The following TRAF5 variants were observed in gnomAD, a reference collection of about 807,000 sequenced individuals.
TRAF5 encodes the protein TNF receptor associated factor 5.
Under a neutral mutation model 64.5 loss-of-function variants are expected in TRAF5, and 48 were observed. The ratio of observed to expected loss-of-function variants is 0.74; its 90% CI spans 0.59 to 0.95. The LOEUF (loss-of-function observed/expected upper bound fraction) is 0.95, where lower values mean the gene tolerates loss of function less well. TRAF5 is among the 40% of genes least tolerant of loss of function. The pLI is 0.00. For missense variants in TRAF5, 545 were observed against 662.8 expected, an observed-to-expected ratio of 0.82 and a Z score of 1.95; for synonymous variants, 206 against 240.5, an observed-to-expected ratio of 0.86 and a Z score of 1.33.
At chr1:211,346,399 G>A in intron 1 of TRAF5, 1 of 985,456 alleles carries the variant, frequency 1.0e-6, no homozygotes, top group Middle Eastern at 5.2e-4. Flanking sequence ...GCTGTGGGGT[G>A]TCCTGCTCAC....
chr1:211,359,274 G>T (rs1703095188), intron 4 of TRAF5: 1 of 152,134 alleles, frequency 6.6e-6, no homozygotes, highest in African/African-American at 2.4e-5. Flanking sequence ...ATTATTAATG[G>T]TTAAAAATAT....
chr1:211,333,393 T>A (rs2102710721), intron 1 of TRAF5, among the ~76,000 whole-genome samples: 1 of 152,242 alleles, frequency 6.6e-6, no homozygotes, highest in East Asian at 1.9e-4. Flanking sequence ...TTCACCATGC[T>A]GGCCAGGCTG....
intron 8 of TRAF5, chr1:211,368,934 CATT>C (rs1703437829): frequency 6.6e-6 from 1 of 152,156 alleles, no homozygotes; most frequent in Admixed American, 6.6e-5. Context: ...AAGTTTTTGT[CATT>C]ATTACTTTTG....
rs774939724 is a variant in TRAF5, at chr1:211,365,453, C to T, written c.774C>T (p.Val258=). The part of the protein sequence containing the change: ...EHMRLVLEKN[V]QLEEQISDLH... ...TGCGTTTGGTTTTAGAAAAGAATGT[C>T]CAATTAGAAGAACAGGTAAATCTTC... Residue 258 remains valine, a synonymous_variant, in exon 8 of 11, where the codon GTC becomes GTT. Coordinates refer to ENST00000261464, the MANE Select transcript of TRAF5 (RefSeq NM_001033910.3). The T allele has an allele frequency of 2.5e-6, 4 of 1,612,406 alleles. No homozygotes were observed. The highest frequency in any genetic ancestry group is 3.4e-6 in the Non-Finnish European group (4 of 1,179,148).
At chr1:211,366,406 G>T (rs1187366004) in intron 8 of TRAF5, among the ~76,000 whole-genome samples, 1 of 152,176 alleles carries the variant, frequency 6.6e-6, no homozygotes, top group Non-Finnish European at 1.5e-5. Context: ...CCTACTGTAT[G>T]TCAGGTACAA....
chr1:211,366,086 T>C (rs1208828726), intron 8 of TRAF5, among the ~76,000 whole-genome samples: 3 of 152,226 alleles, frequency 2.0e-5, no homozygotes, highest in South Asian at 2.1e-4. Context: ...TAAATGCTGA[T>C]TCTATTGAGC....
At chr1:211,327,550 C>G (rs1319909051) in intron 1 of TRAF5, among the ~76,000 whole-genome samples, 1 of 152,030 alleles carries the variant, frequency 6.6e-6, no homozygotes. Flanking sequence ...CCAGAGAATT[C>G]GCAGATTCTG....
At chr1:211,338,733 T>A (rs1046439539) in intron 1 of TRAF5, among the ~76,000 whole-genome samples, 2 of 152,174 alleles carry the variant, frequency 1.3e-5, no homozygotes, top group Admixed American at 6.5e-5. Context: ...CAAGCGATTC[T>A]CCTGCCTCAG....
rs751678066 is a variant in TRAF5 at position 211,373,199 on chromosome 1, G to C, written c.*497G>C. On this transcript the variant is annotated 3_prime_UTR_variant, in exon 11 of 11. Coordinates refer to ENST00000261464, the MANE Select transcript of TRAF5 (RefSeq NM_001033910.3). ...TTACAAAGATAATATGCTCAGTTTG[G>C]ACCTTTTTTTCAGTTAAATGCTAAA... 8.5e-4 allele frequency: 129 copies of C among 152,348 alleles called. No homozygotes were observed. Among genetic ancestry groups the C allele is most frequent in the Non-Finnish European group, 1.6e-3 (109 of 68,142 alleles). 9.4% of individuals were successfully genotyped at this position (152,348 alleles called of 1,614,324 possible).
chr1:211,365,191 A>G (rs555828957), intron 7 of TRAF5, among the ~76,000 whole-genome samples, 185 bp from the exon 8 acceptor site: 2 of 152,012 alleles, frequency 1.3e-5, no homozygotes, highest in Non-Finnish European at 2.9e-5. Context: ...AAACAAAAAC[A>G]AACTAAAGCT....
intron 1 of TRAF5, among the ~76,000 whole-genome samples, chr1:211,332,818 G>T (rs1398901758): frequency 6.6e-6 from 1 of 152,200 alleles, no homozygotes; most frequent in Non-Finnish European, 1.5e-5. Flanking sequence ...TGAATGGGAA[G>T]TAGATTATTT....
chr1:211,356,575 T>C, intron 4 of TRAF5, 107 bp downstream of exon 4: 1 of 965,658 alleles, frequency 1.0e-6, no homozygotes, highest in African/African-American at 1.6e-5. Context: ...AGGGATTCAG[T>C]GAATTGCCCT....
rs370825088 is a variant in TRAF5, at chr1:211,353,275, T to C, written c.36T>C (p.Cys12=). 8.1e-6 allele frequency: 13 copies of C among 1,614,254 alleles called. No individual in the cohort carries two copies. In the African/African-American group the frequency reaches 1.3e-4, roughly 17 times the overall value. ...AYSEEHKGMP[C]GFIRQNSGNS... is the part of the protein sequence containing the mutation. ...CAGAAGAGCATAAAGGTATGCCCTGTGGTTTCATCCGCCAGAATTCCGGCA... is the reference window on the plus strand; with the variant it reads ...CAGAAGAGCATAAAGGTATGCCCTGCGGTTTCATCCGCCAGAATTCCGGCA... Residue 12 remains cysteine (C), a synonymous_variant, in exon 2 of 11, where the codon TGT becomes TGC. Transcript: ENST00000261464.
At chr1:211,327,997 G>T (rs925912939) in intron 1 of TRAF5, among the ~76,000 whole-genome samples, 1 of 152,228 alleles carries the variant, frequency 6.6e-6, no homozygotes, top group Admixed American at 6.5e-5. Flanking sequence ...AGAGATACTT[G>T]CATTTTAAAA....
chr1:211,367,279 G>A (rs1703385223), intron 8 of TRAF5, among the ~76,000 whole-genome samples: 1 of 152,170 alleles, frequency 6.6e-6, no homozygotes, highest in African/African-American at 2.4e-5. Context: ...CAAGACAGTT[G>A]GTAATAGCAT....
Position 211,372,568 on chromosome 1 carries a change from G to T in TRAF5, c.1540G>T (p.Glu514Ter). Residue 514 changes from glutamate (E) to a stop codon, truncating the protein, a stop_gained, in exon 11 of 11, where the codon GAG becomes TAG. Coordinates refer to ENST00000261464, the MANE Select transcript of TRAF5 (RefSeq NM_001033910.3). LOFTEE classifies it high-confidence loss of function. ...CAGCAGCTTTAAAAGACCTGATGGG[G>T]AGATGAACATTGCATCTGGCTGTCC... ...NSSSFKRPDG[E>*]MNIASGCPRF... 1 of 1,614,176 alleles carries T rather than the reference G, an allele frequency of 6.2e-7. No homozygotes were observed. Among genetic ancestry groups the T allele is most frequent in the Non-Finnish European group, 8.5e-7 (1 of 1,180,020 alleles).
chr1:211,370,083 T>C (rs1340861248), intron 9 of TRAF5, among the ~76,000 whole-genome samples: 1 of 152,190 alleles, frequency 6.6e-6, no homozygotes, highest in Non-Finnish European at 1.5e-5. Flanking sequence ...TGATTGCAGA[T>C]TCATTGAGAG....
chr1:211,356,133 C>T (rs528708870), intron 3 of TRAF5, among the ~76,000 whole-genome samples: 39 of 152,336 alleles, frequency 2.6e-4, no homozygotes, highest in African/African-American at 8.9e-4. Flanking sequence ...CTAGTTGCAG[C>T]CTGGTGCGCA....
rs1703125590 is a variant in TRAF5 at position 211,360,051 on chromosome 1, AG to A, written c.520del (p.Asp174MetfsTer3). ...FRKEKCLYCK[K>X]DVVVINLQNH... is the part of the protein sequence containing the mutation. ...AAGGAAAAATGCCTTTATTGCAAAAAGGATGTGGTAGTCATCAATCTACAGG... is the reference window on the plus strand; with the variant it reads ...AAGGAAAAATGCCTTTATTGCAAAAAGATGTGGTAGTCATCAATCTACAGG... On this transcript the variant is annotated frameshift_variant, in exon 5 of 11. Transcript: ENST00000261464. LOFTEE classifies it high-confidence loss of function. 6.2e-7 allele frequency: 1 copy of A among 1,614,064 alleles called. No individual in the cohort carries two copies. Among genetic ancestry groups the A allele is most frequent in the South Asian group, 1.1e-5 (1 of 91,082 alleles).
Sources: allele counts gnomAD v4.1 joint callset (sites outside exome capture counted in the v4.1 genomes callset), GRCh38; gene constraint gnomAD v4.1.1; transcripts MANE v1.5; gene names NCBI Gene and HGNC (gene_info 2026-07-23, HGNC 2026-07-21).